Variants in RBL1 observed in about 807,000 individuals in gnomAD.
RBL1 encodes retinoblastoma-like protein 1.
In RBL1, 82 loss-of-function variants were observed where a neutral mutation model predicts 123.0. That is an observed-to-expected ratio of 0.67 (90% CI 0.56 to 0.80). The LOEUF is 0.80. Ranked by LOEUF, RBL1 falls within the 30% of genes least tolerant of loss-of-function variation. RBL1 has a pLI of 0.00. For missense variants in RBL1, 1,171 were observed against 1,299.6 expected, an observed-to-expected ratio of 0.90 and a Z score of 1.52; for synonymous variants, 405 against 441.3, an observed-to-expected ratio of 0.92 and a Z score of 1.03.
chr20:37,037,066 C>T (rs141142656), intron 14 of RBL1, among the ~76,000 whole-genome samples: 289 of 152,340 alleles, frequency 1.9e-3, no homozygotes, highest in Non-Finnish European at 3.0e-3. Context: ...CTTATGAAAG[C>T]AGCTTTTACT....
At position 37,020,711 on chromosome 20, in the gene RBL1, GTTCT is replaced by G. The variant is rs2064328583; in HGVS notation, c.2575_2578del (p.Arg859LeufsTer6). 6.3e-7 allele frequency: 1 copy of G among 1,585,042 alleles called. No individual in the cohort carries two copies. The highest frequency in any genetic ancestry group is 8.6e-7 in the Non-Finnish European group (1 of 1,162,418). ...ATAACTTTTCATAATTTCTTGAAAA[GTTCT>G]TTCTTCTTTTGTTACCTAAGGAAAA... On this transcript the variant is annotated frameshift_variant, in exon 18 of 22. Transcript: ENST00000373664. LOFTEE classifies it high-confidence loss of function.
intron 2 of RBL1, among the ~76,000 whole-genome samples, chr20:37,082,196 G>C (rs970732377): frequency 1.3e-5 from 2 of 152,048 alleles, no homozygotes; most frequent in Admixed American, 1.3e-4. Flanking sequence ...TCCTCCTCAG[G>C]TTGGGGCCAG....
intron 11 of RBL1, among the ~76,000 whole-genome samples, chr20:37,055,309 G>GAAAAAAAAAAAAAAAAAAAAAAAAA (rs59560599): frequency 3.6e-5 from 3 of 84,034 alleles, no homozygotes; most frequent in African/African-American, 4.1e-5. Flanking sequence ...ATGAAGGACA[G>GAAAAAAAAAAAAAAAAAAAAAAAAA]AAAAAAAAAA....
intron 13 of RBL1, among the ~76,000 whole-genome samples, chr20:37,043,194 G>A (rs1299044411): frequency 5.1e-5 from 7 of 138,204 alleles, no homozygotes; most frequent in Admixed American, 2.1e-4. Flanking sequence ...ACAATTAGCC[G>A]GGTGTGGCCA....
At position 36,997,600 on chromosome 20, in the gene RBL1, T is replaced by C. The variant is rs1270523014; in HGVS notation, c.*1159A>G. ...AGATATTGAGAATGACTGATAACTA[T>C]GATCTCAAAAACAGTATATCACACA... On this transcript the variant is annotated 3_prime_UTR_variant, in exon 22 of 22. Transcript: ENST00000373664. The C allele has an allele frequency of 2.6e-5, 4 of 152,152 alleles. No homozygotes were observed. The highest frequency in any genetic ancestry group is 9.6e-5 in the African/African-American group (4 of 41,464). 9.4% of individuals were successfully genotyped at this position (152,152 alleles called of 1,614,324 possible).
intron 1 of RBL1, among the ~76,000 whole-genome samples, chr20:37,095,482 G>C (rs1345966221): frequency 6.6e-6 from 1 of 152,220 alleles, no homozygotes; most frequent in Admixed American, 6.5e-5. Flanking sequence ...TTTAAGGGCA[G>C]CACCATGACT....
intron 21 of RBL1, among the ~76,000 whole-genome samples, chr20:37,000,141 G>C (rs548251931): frequency 6.7e-6 from 1 of 148,844 alleles, no homozygotes; most frequent in African/African-American, 2.5e-5. Flanking sequence ...CTGCCCGGCC[G>C]CCCCGTCTGA....
At chr20:37,049,591 C>T (rs562511807) in intron 11 of RBL1, 109 of 755,646 alleles carry the variant, frequency 1.4e-4, no homozygotes, top group South Asian at 1.3e-3. Context: ...TAGTTGCTTT[C>T]GTCGAGAGTG....
At chr20:37,041,231 A>C (rs560419138) in intron 13 of RBL1, among the ~76,000 whole-genome samples, 6 of 151,922 alleles carry the variant, frequency 3.9e-5, no homozygotes, top group Admixed American at 2.6e-4. Context: ...AGAAGTAGAC[A>C]AAAAAAACCC....
intron 2 of RBL1, chr20:37,082,042 A>AC (rs2065460267): frequency 2.2e-6 from 1 of 456,020 alleles, no homozygotes; most frequent in Non-Finnish European, 4.4e-6. Flanking sequence ...AGAAGACAGC[A>AC]CAGAGCATGT....
At chr20:37,051,444 G>C (rs1328411001) in intron 11 of RBL1, among the ~76,000 whole-genome samples, 1 of 152,182 alleles carries the variant, frequency 6.6e-6, no homozygotes, top group Non-Finnish European at 1.5e-5. Flanking sequence ...GCCTCCCAAA[G>C]TGTTGGGATT....
chr20:37,077,146 A>G (rs2065377664), intron 2 of RBL1, among the ~76,000 whole-genome samples: 1 of 152,140 alleles, frequency 6.6e-6, no homozygotes, highest in African/African-American at 2.4e-5. Flanking sequence ...CACATTGGTC[A>G]GGCTGGTCTC....
Position 37,035,490 on chromosome 20 carries a change from G to T in RBL1, c.1922C>A (p.Pro641Gln). 1 of 1,582,036 alleles carries T rather than the reference G, an allele frequency of 6.3e-7. No homozygotes were observed. The change falls in exon 15 of 22, where the codon CCA becomes CAA. Residue 641 changes from proline to glutamine, a missense_variant. Pro to Gln is a moderately conservative substitution (Grantham distance 76, BLOSUM62 -1). Transcript: ENST00000373664. Reference sequence around the variant, plus strand: ...ACTGTAGCGTTCATGGACAGAAATTGGAGACAATGGTTGCATATCTAAAAA... The same window carrying T: ...ACTGTAGCGTTCATGGACAGAAATTTGAGACAATGGTTGCATATCTAAAAA... ...SLRRDMQPLS[P>Q]ISVHERYSSP...
rs187151472 is a variant in RBL1 at position 37,032,796 on chromosome 20, C to T, written c.2251G>A (p.Val751Ile). ...TNQESKVKSP[V>I]SLTAHSLIGA... ...ATTAATGAATGAGCAGTAAGTGATA[C>T]AGGACTCTTGACTTTGGACTCCTGA... The change falls in exon 16 of 22, where the codon GTA (valine) becomes ATA (isoleucine). Residue 751 changes from valine to isoleucine, a missense_variant. Physicochemically the swap from Val to Ile is conservative, Grantham distance 29. Transcript: ENST00000373664. The T allele has an allele frequency of 1.2e-6, 2 of 1,614,006 alleles. No homozygotes were observed. Among genetic ancestry groups the T allele is most frequent in the East Asian group, 2.2e-5 (1 of 44,846 alleles).
Position 36,996,721 on chromosome 20 carries a change from G to A in RBL1, c.*2038C>T, listed in dbSNP as rs1487847233. ...CCCAAAGTGTTGGGATTATAGGCATGAGCCACAGGACCTGGCCCATGGTTT... is the reference window on the plus strand; with the variant it reads ...CCCAAAGTGTTGGGATTATAGGCATAAGCCACAGGACCTGGCCCATGGTTT... On this transcript the variant is annotated 3_prime_UTR_variant, in exon 22 of 22. Transcript: ENST00000373664. 4 of 152,280 alleles carry A rather than the reference G, an allele frequency of 2.6e-5. No individual in the cohort carries two copies. The highest frequency in any genetic ancestry group is 7.2e-5 in the African/African-American group (3 of 41,456). 9.4% of individuals were successfully genotyped at this position (152,280 alleles called of 1,614,324 possible).
intron 1 of RBL1, among the ~76,000 whole-genome samples, chr20:37,092,877 T>C (rs1191434880): frequency 6.6e-6 from 1 of 152,142 alleles, no homozygotes; most frequent in African/African-American, 2.4e-5. Context: ...TCCTATTTCA[T>C]AAAAATTCTA....
intron 19 of RBL1, among the ~76,000 whole-genome samples, chr20:37,012,164 G>T (rs982824815): frequency 4.6e-5 from 7 of 152,240 alleles, no homozygotes; most frequent in African/African-American, 1.7e-4. Context: ...TTCACTCAGT[G>T]CTCAATGGTG....
intron 2 of RBL1, among the ~76,000 whole-genome samples, chr20:37,079,722 A>G (rs1405387933): frequency 6.6e-6 from 1 of 151,922 alleles, no homozygotes; most frequent in Non-Finnish European, 1.5e-5. Flanking sequence ...GCTCCCTCCC[A>G]AGCGATCCTC....
intron 9 of RBL1, 29 bp downstream of exon 9, chr20:37,061,074 A>G: frequency 6.7e-7 from 1 of 1,497,686 alleles, no homozygotes. Context: ...TTAAAAAGAC[A>G]TTTGGAAAAA....
Sources: gnomAD v4.1 joint callset for allele counts (sites outside exome capture counted in the v4.1 genomes callset) on GRCh38, gnomAD v4.1.1 for gene constraint, MANE v1.5 for transcripts, NCBI Gene and HGNC (gene_info 2026-07-23, HGNC 2026-07-21) for gene names.